The following PLCB1 variants were observed in gnomAD, a reference collection of about 807,000 sequenced individuals.
PLCB1 encodes phospholipase C beta 1.
In PLCB1, 46 loss-of-function variants were observed where a neutral mutation model predicts 161.8. The ratio of observed to expected loss-of-function variants is 0.28; its 90% confidence interval spans 0.22 to 0.36. PLCB1 has a LOEUF of 0.36. Among genes scored for constraint, PLCB1 ranks in the 10% least tolerant of loss-of-function variants. The probability of loss-of-function intolerance (pLI) is 1.00; values close to 1 mark genes in which losing one functional copy is unlikely to be tolerated. For missense variants in PLCB1, 1,016 were observed against 1,472.5 expected, an observed-to-expected ratio of 0.69 and a Z score of 5.07; for synonymous variants, 517 against 503.7, an observed-to-expected ratio of 1.03 and a Z score of -0.35.
chr20:8,326,714 C>T (rs1985169407), intron 2 of PLCB1, among the ~76,000 whole-genome samples: 1 of 152,154 alleles, frequency 6.6e-6, no homozygotes, highest in Admixed American at 6.5e-5. Context: ...AAGTCAATGC[C>T]AGATTGCATC....
At chr20:8,870,108 A>G (rs546048678) in intron 31 of PLCB1, among the ~76,000 whole-genome samples, 1 of 152,280 alleles carries the variant, frequency 6.6e-6, no homozygotes, top group South Asian at 2.1e-4. Flanking sequence ...CTCTCATAAG[A>G]GAAGCTGAGA....
chr20:8,798,715 G>A (rs1984149535), intron 31 of PLCB1, among the ~76,000 whole-genome samples: 1 of 152,182 alleles, frequency 6.6e-6, no homozygotes, highest in East Asian at 1.9e-4. Context: ...AACAATGCCT[G>A]AGTATTACAC....
intron 2 of PLCB1, among the ~76,000 whole-genome samples, chr20:8,258,027 G>C (rs957957466): frequency 4.6e-5 from 7 of 152,132 alleles, no homozygotes; most frequent in African/African-American, 7.2e-5. Context: ...TTTTTAGGCT[G>C]TTGGCTAAAA....
At position 8,351,826 on chromosome 20, in the gene PLCB1, A is replaced by T. The variant is rs545050894; in HGVS notation, c.178-19556A>T. ...CACTATTAAAATAGCTAAAATTATA[A>T]AAATTGATGATACTAAGTGTTGGCA... On this transcript the variant is annotated intron_variant, in intron 2 of 31. Transcript: ENST00000338037. Among the ~76,000 whole-genome samples the T allele has an allele frequency of 2.6e-5, 4 of 152,262 alleles. No homozygotes were observed. In the East Asian group the frequency reaches 7.7e-4, roughly 29 times the overall value.
Position 8,537,900 on chromosome 20 carries a change from T to G in PLCB1, c.247-90394T>G, listed in dbSNP as rs17363821. Reference sequence around the variant, plus strand: ...AGAAAAGATACAAGCTACTTTCAACTGAAGAAAAGTGTCCCGAGCTAAAAA... The same window carrying G: ...AGAAAAGATACAAGCTACTTTCAACGGAAGAAAAGTGTCCCGAGCTAAAAA... On this transcript the variant is annotated intron_variant, in intron 3 of 31. Coordinates refer to ENST00000338037, the MANE Select transcript of PLCB1 (RefSeq NM_015192.4). Among the ~76,000 whole-genome samples the G allele has an allele frequency of 6.0e-3, 915 of 152,318 alleles. 8 individuals carry two copies. The highest frequency in any genetic ancestry group is 9.6e-3 in the Non-Finnish European group (651 of 68,030).
intron 24 of PLCB1, among the ~76,000 whole-genome samples, chr20:8,760,116 G>A (rs1032131162): frequency 1.3e-5 from 2 of 151,970 alleles, no homozygotes; most frequent in Non-Finnish European, 2.9e-5. Flanking sequence ...ATATTGCCAG[G>A]CTGGTCTTGA....
chr20:8,690,325 G>A (rs1990447907), intron 10 of PLCB1, among the ~76,000 whole-genome samples: 1 of 152,072 alleles, frequency 6.6e-6, no homozygotes. Flanking sequence ...GCAAGGCAGT[G>A]GAGCAGAAGG....
Position 8,246,299 on chromosome 20 carries a change from A to G in PLCB1, c.177+95928A>G, listed in dbSNP as rs150727706. Among the ~76,000 whole-genome samples, 8 of 152,050 alleles carry G rather than the reference A, an allele frequency of 5.3e-5. 1 individual carries two copies. The highest frequency in any genetic ancestry group is 1.7e-4 in the African/African-American group (7 of 41,534). On this transcript the variant is annotated intron_variant, in intron 2 of 31. Transcript: ENST00000338037. Reference sequence around the variant, plus strand: ...TGCATCTGGGCTCATTCAAGCATCTATGATAAGCTGCTGAGTCAGCTAGGT... The same window carrying G: ...TGCATCTGGGCTCATTCAAGCATCTGTGATAAGCTGCTGAGTCAGCTAGGT...
intron 7 of PLCB1, chr20:8,652,599 T>C (rs1166384713): frequency 6.6e-6 from 1 of 152,114 alleles, no homozygotes; most frequent in Non-Finnish European, 1.5e-5. Flanking sequence ...GTTATATAAA[T>C]CATAGTTGGT....
intron 11 of PLCB1, among the ~76,000 whole-genome samples, chr20:8,704,997 T>TTTTTTTTTTC: frequency 6.7e-6 from 1 of 150,200 alleles, no homozygotes; most frequent in East Asian, 2.0e-4. Flanking sequence ...TTTTTTTTTT[T>TTTTTTTTTTC]CCTATTCAGG....
chr20:8,670,147 G>C (rs991954903), intron 9 of PLCB1, among the ~76,000 whole-genome samples: 1 of 152,268 alleles, frequency 6.6e-6, no homozygotes, highest in South Asian at 2.1e-4. Flanking sequence ...CTGTACTTAA[G>C]AGAGACAGGT....
chr20:8,537,468 A>T (rs2143204), intron 3 of PLCB1, among the ~76,000 whole-genome samples: 14,899 of 152,014 alleles, frequency 0.098, 914 homozygotes, highest in East Asian at 0.2. Flanking sequence ...CTATATAGGG[A>T]GACTGCCTTT....
intron 23 of PLCB1, among the ~76,000 whole-genome samples, chr20:8,741,976 A>G (rs1282333911): frequency 6.6e-6 from 1 of 152,188 alleles, no homozygotes; most frequent in Non-Finnish European, 1.5e-5. Flanking sequence ...TGATTTTTAT[A>G]GTACATAAAA....
At chr20:8,730,790 T>C (rs1386172551) in intron 18 of PLCB1, among the ~76,000 whole-genome samples, 1 of 151,776 alleles carries the variant, frequency 6.6e-6, no homozygotes, top group East Asian at 1.9e-4. Flanking sequence ...TTGTCTTCAT[T>C]AGAGGTCTAG....
At chr20:8,480,313 C>T (rs1982447779) in intron 3 of PLCB1, among the ~76,000 whole-genome samples, 1 of 70,262 alleles carries the variant, frequency 1.4e-5, no homozygotes, top group Non-Finnish European at 3.3e-5. Context: ...GAGAGAAAAA[C>T]AACAGATTTG....
chr20:8,530,076 T>C (rs2122913194), intron 3 of PLCB1, among the ~76,000 whole-genome samples: 1 of 152,264 alleles, frequency 6.6e-6, no homozygotes, highest in African/African-American at 2.4e-5. Context: ...TTCACTGTGA[T>C]TAAAATGTGA....
intron 3 of PLCB1, among the ~76,000 whole-genome samples, chr20:8,564,397 G>C (rs1370035926): frequency 1.3e-5 from 2 of 152,064 alleles, no homozygotes; most frequent in Non-Finnish European, 2.9e-5. Flanking sequence ...AGAAAACCTA[G>C]GCAATACCAT....
chr20:8,455,449 TTTTTTTTTG>T (rs1472737397), intron 3 of PLCB1, among the ~76,000 whole-genome samples: 2 of 135,520 alleles, frequency 1.5e-5, no homozygotes, highest in African/African-American at 5.7e-5. Context: ...TTTTTTTTTT[TTTTTTTTTG>T]GAGACGGAGT....
At chr20:8,523,128 T>G (rs1984416445) in intron 3 of PLCB1, among the ~76,000 whole-genome samples, 1 of 151,976 alleles carries the variant, frequency 6.6e-6, no homozygotes, top group African/African-American at 2.4e-5. Flanking sequence ...TTTGAAAGGG[T>G]CATATAATCC....
Sources: gnomAD v4.1 joint callset for allele counts (sites outside exome capture counted in the v4.1 genomes callset) on GRCh38, gnomAD v4.1.1 for gene constraint, MANE v1.5 for transcripts, NCBI Gene and HGNC (gene_info 2026-07-23, HGNC 2026-07-21) for gene names.